BARD1: variants seen among roughly 807,000 people sequenced by gnomAD.
The protein encoded by BARD1 is BRCA1-associated RING domain protein 1.
In BARD1, 73 loss-of-function variants were observed where a neutral mutation model predicts 77.0. The ratio of observed to expected loss-of-function variants is 0.95; its 90% CI spans 0.79 to 1.15. The LOEUF is 1.15. BARD1 is among the 50% of genes most tolerant of loss of function. BARD1 has a pLI of 0.00. For missense variants in BARD1, 993 were observed against 938.8 expected, an observed-to-expected ratio of 1.06 and a Z score of -0.75; for synonymous variants, 384 against 338.0, an observed-to-expected ratio of 1.14 and a Z score of -1.49.
At position 214,792,302 on chromosome 2, in the gene BARD1, A is replaced by G. The variant is rs1574839295; in HGVS notation, c.359T>C (p.Leu120Pro). The G allele has an allele frequency of 1.2e-6, 2 of 1,613,386 alleles. No individual in the cohort carries two copies. Among genetic ancestry groups the G allele is most frequent in the Non-Finnish European group, 1.7e-6 (2 of 1,179,654 alleles). ...KLRNLLHDNELSDLKEDKPRK... is the reference protein window; with the variant it reads ...KLRNLLHDNEPSDLKEDKPRK... ...GAGATAGGGATAGTTCTTACCTGAC[A>G]GCTCATTGTCATGTAGCAAATTTCG... is the stretch of plus-strand genomic sequence containing the variant. Residue 120 changes from leucine to proline, a missense_variant, in exon 3 of 11, where the codon CTG (leucine) becomes CCG (proline). Coordinates refer to ENST00000260947, the MANE Select transcript of BARD1 (RefSeq NM_000465.4).
At chr2:214,792,637 T>C (rs1161133018) in intron 2 of BARD1, among the ~76,000 whole-genome samples, 192 bp from the exon 3 acceptor site, 1 of 152,162 alleles carries the variant, frequency 6.6e-6, no homozygotes, top group Non-Finnish European at 1.5e-5. Flanking sequence ...CTCATGTAAT[T>C]TGCTATGAAG....
chr2:214,746,696 C>A (rs957490301), intron 7 of BARD1, among the ~76,000 whole-genome samples: 1 of 152,104 alleles, frequency 6.6e-6, no homozygotes, highest in Non-Finnish European at 1.5e-5. Context: ...GATGTAACCA[C>A]ATCTAACCTA....
At chr2:214,785,402 C>T (rs1695226019) in intron 3 of BARD1, among the ~76,000 whole-genome samples, 1 of 151,856 alleles carries the variant, frequency 6.6e-6, no homozygotes, top group African/African-American at 2.4e-5. Context: ...TCTCTCCCAC[C>T]CCATGACAAC....
intron 4 of BARD1, among the ~76,000 whole-genome samples, chr2:214,775,012 G>C (rs762750128): frequency 1.3e-5 from 2 of 152,154 alleles, no homozygotes; most frequent in Non-Finnish European, 2.9e-5. Context: ...GTAGGGTTTT[G>C]CTTAAGGAAA....
chr2:214,734,228 A>G (rs1203725267), intron 9 of BARD1, among the ~76,000 whole-genome samples: 2 of 152,148 alleles, frequency 1.3e-5, no homozygotes, highest in East Asian at 3.8e-4. Flanking sequence ...GTGAAGTGGT[A>G]TTCAAAAATA....
At chr2:214,786,917 T>C in intron 3 of BARD1, among the ~76,000 whole-genome samples, 1 of 151,956 alleles carries the variant, frequency 6.6e-6, no homozygotes, top group South Asian at 2.1e-4. Context: ...TTTGCAGTGG[T>C]AAGTAGATTT....
chr2:214,803,413 A>G (rs1320202570), intron 1 of BARD1, among the ~76,000 whole-genome samples: 1 of 152,226 alleles, frequency 6.6e-6, no homozygotes, highest in Non-Finnish European at 1.5e-5. Flanking sequence ...GGAATGTCTC[A>G]GTATAAAACC....
intron 4 of BARD1, among the ~76,000 whole-genome samples, chr2:214,775,909 A>G (rs1694718992): frequency 6.6e-6 from 1 of 152,204 alleles, no homozygotes; most frequent in African/African-American, 2.4e-5. Context: ...TCATGAAGCT[A>G]CTATGAAGGA....
At chr2:214,799,806 C>T (rs1695934229) in intron 1 of BARD1, among the ~76,000 whole-genome samples, 1 of 152,192 alleles carries the variant, frequency 6.6e-6, no homozygotes, top group African/African-American at 2.4e-5. Flanking sequence ...GTGCTCCATA[C>T]CAGCTACTCC....
At chr2:214,798,230 C>T (rs1201757368) in intron 1 of BARD1, among the ~76,000 whole-genome samples, 2 of 147,848 alleles carry the variant, frequency 1.4e-5, no homozygotes, top group East Asian at 1.9e-4. Flanking sequence ...ACAGTACACA[C>T]CCACAATGTT....
At chr2:214,745,592 TTACAAGA>T in intron 8 of BARD1, 123 bp downstream of exon 8, 1 of 1,167,970 alleles carries the variant, frequency 8.6e-7, no homozygotes, top group South Asian at 1.3e-5. Context: ...TTTAGATGTA[TTACAAGA>T]TGCAAAGTAT....
chr2:214,755,990 T>C (rs1693677815), intron 6 of BARD1, among the ~76,000 whole-genome samples: 1 of 152,346 alleles, frequency 6.6e-6, no homozygotes, highest in Non-Finnish European at 1.5e-5. Flanking sequence ...CAGTCAGTTC[T>C]TTTAATGCCT....
intron 3 of BARD1, among the ~76,000 whole-genome samples, chr2:214,785,002 G>A (rs1166859357): frequency 7.0e-6 from 1 of 141,962 alleles, no homozygotes; most frequent in East Asian, 2.1e-4. Flanking sequence ...TTCTGCACAT[G>A]TATCCCAGAA....
rs114663325 is a variant in BARD1 at position 214,726,632 on chromosome 2, T to C, written c.*2044A>G. On this transcript the variant is annotated 3_prime_UTR_variant, in exon 11 of 11. Transcript: ENST00000260947. Reference sequence around the variant, plus strand: ...CAATTTTATACAAGACACAGGTATATGGAAACACAAATAACTTTAATGATT... The same window carrying C: ...CAATTTTATACAAGACACAGGTATACGGAAACACAAATAACTTTAATGATT... The C allele has an allele frequency of 6.1e-3, 1,403 of 229,960 alleles. 8 individuals are homozygous for C. The highest frequency in any genetic ancestry group is 9.9e-3 in the Non-Finnish European group (1,149 of 116,074). The allele number at this position is 229,960 out of a possible 1,614,324, so 14.2% of individuals were successfully genotyped here.
In BARD1 at chr2:214,762,753, C is replaced by T. The variant is rs777618753; in HGVS notation, c.1568+4729G>A. Among the ~76,000 whole-genome samples the T allele has an allele frequency of 5.9e-5, 9 of 152,270 alleles. No individual in the cohort carries two copies. The South Asian group carries it at 6.2e-4, about 11-fold the overall frequency. ...TACCAATTTCAATCAACATCCTAAT[C>T]GGTACTCCACTAGAATCTATGTACG... On this transcript the variant is annotated intron_variant, in intron 6 of 10. Transcript: ENST00000260947.
intron 8 of BARD1, 34 bp from the exon 9 acceptor site, chr2:214,745,193 G>T: frequency 6.4e-7 from 1 of 1,560,074 alleles, no homozygotes; most frequent in Non-Finnish European, 8.8e-7. Flanking sequence ...GAGAAAGAAA[G>T]ATACAAGCCA....
At chr2:214,759,201 T>C (rs930451990) in intron 6 of BARD1, among the ~76,000 whole-genome samples, 1 of 152,180 alleles carries the variant, frequency 6.6e-6, no homozygotes, top group African/African-American at 2.4e-5. Flanking sequence ...CAATGGTCCA[T>C]GTAATATTTT....
chr2:214,802,812 GA>G (rs1696084016), intron 1 of BARD1, among the ~76,000 whole-genome samples: 1 of 152,098 alleles, frequency 6.6e-6, no homozygotes, highest in Non-Finnish European at 1.5e-5. Flanking sequence ...TCTGTACCTT[GA>G]AAATTCAGCT....
intron 4 of BARD1, among the ~76,000 whole-genome samples, chr2:214,779,805 A>G (rs1333661450): frequency 6.6e-6 from 1 of 152,218 alleles, no homozygotes; most frequent in East Asian, 1.9e-4. Flanking sequence ...ATTTAGTACT[A>G]AGGTCTACCA....
Sources: allele counts gnomAD v4.1 joint callset (sites outside exome capture counted in the v4.1 genomes callset), GRCh38; gene constraint gnomAD v4.1.1; transcripts MANE v1.5; gene names NCBI Gene and HGNC (gene_info 2026-07-23, HGNC 2026-07-21).